The following GABRB2 variants were observed in gnomAD, a reference collection of about 807,000 sequenced individuals.
The protein encoded by GABRB2 is gamma-aminobutyric acid receptor subunit beta-2.
A neutral mutation model predicts 54.7 loss-of-function variants in GABRB2; 16 were observed. That is an observed-to-expected ratio of 0.29 (90% confidence interval 0.20 to 0.44). GABRB2 has a LOEUF of 0.44. Among genes scored for constraint, GABRB2 ranks in the 20% least tolerant of loss-of-function variants. GABRB2 has a pLI of 1.00. For synonymous variants in GABRB2, 244 were observed against 233.8 expected (o/e 1.04, Z -0.40); for missense variants, 355 against 644.0 (o/e 0.55, Z 4.86).
intron 5 of GABRB2, among the ~76,000 whole-genome samples, chr5:161,396,441 AAG>A (rs1212575194): frequency 1.3e-5 from 2 of 152,232 alleles, no homozygotes; most frequent in East Asian, 3.8e-4. Flanking sequence ...GGTTTCCCAG[AAG>A]AGAGAGGTTG....
intron 5 of GABRB2, among the ~76,000 whole-genome samples, chr5:161,377,574 T>C (rs1755344518): frequency 6.6e-6 from 1 of 152,144 alleles, no homozygotes; most frequent in Admixed American, 6.6e-5. Flanking sequence ...AAAACAAAGT[T>C]TCTAATGCCT....
In GABRB2 at chr5:161,459,852, T is replaced by A. The variant is rs1465604156; in HGVS notation, c.238-8A>T. 6.4e-7 allele frequency: 1 copy of A among 1,572,624 alleles called. No individual in the cohort carries two copies. The highest frequency in any genetic ancestry group is 1.7e-5 in the Admixed American group (1 of 58,348). On this transcript the variant is annotated splice_polypyrimidine_tract_variant and splice_region_variant and intron_variant, in intron 3 of 9. Coordinates refer to ENST00000393959, the MANE Select transcript of GABRB2 (RefSeq NM_001371727.1). The stretch of plus-strand genomic sequence containing the variant: ...CATTGTCAAGGTATAATCCTGTAAA[T>A]GTGAGAAAAAAAAACATGGTTAGTT...
At chr5:161,411,476 T>A (rs1756515023) in intron 4 of GABRB2, among the ~76,000 whole-genome samples, 1 of 152,192 alleles carries the variant, frequency 6.6e-6, no homozygotes, top group Non-Finnish European at 1.5e-5. Flanking sequence ...ATGTAATCTA[T>A]CAATCTTAGT....
At chr5:161,411,323 C>T (rs1387961410) in intron 4 of GABRB2, among the ~76,000 whole-genome samples, 1 of 152,198 alleles carries the variant, frequency 6.6e-6, no homozygotes, top group Non-Finnish European at 1.5e-5. Context: ...AGGCACTTCT[C>T]ATGCCTCCAG....
intron 8 of GABRB2, among the ~76,000 whole-genome samples, chr5:161,327,877 C>G (rs1758416137): frequency 6.6e-6 from 1 of 151,820 alleles, no homozygotes; most frequent in South Asian, 2.1e-4. Flanking sequence ...TATAGAATTA[C>G]AGTTGAAAAG....
intron 4 of GABRB2, among the ~76,000 whole-genome samples, chr5:161,455,529 ATTTT>A (rs34494220): frequency 7.3e-6 from 1 of 137,904 alleles, no homozygotes. Flanking sequence ...TTGTTCCCCA[ATTTT>A]TTTTTTTTTT....
chr5:161,333,980 C>G (rs989888818), intron 7 of GABRB2, among the ~76,000 whole-genome samples: 6 of 152,180 alleles, frequency 3.9e-5, no homozygotes, highest in African/African-American at 1.4e-4. Flanking sequence ...GAAGACTGCT[C>G]TATCTCCAGT....
chr5:161,409,656 C>T (rs895632575), intron 5 of GABRB2, among the ~76,000 whole-genome samples: 1 of 152,108 alleles, frequency 6.6e-6, no homozygotes, highest in Non-Finnish European at 1.5e-5. Context: ...CACAGAAATT[C>T]ATGAGTGGTA....
At chr5:161,373,978 G>A (rs1349612319) in intron 5 of GABRB2, among the ~76,000 whole-genome samples, 6 of 151,668 alleles carry the variant, frequency 4.0e-5, no homozygotes, top group Non-Finnish European at 7.4e-5. Context: ...AGTTTTGCTC[G>A]TGTTGCCCAG....
At chr5:161,349,834 C>G (rs1002323755) in intron 5 of GABRB2, among the ~76,000 whole-genome samples, 1 of 152,170 alleles carries the variant, frequency 6.6e-6, no homozygotes, top group Middle Eastern at 3.4e-3. Flanking sequence ...GGCTTTCAAA[C>G]GAGACCATAG....
At chr5:161,463,234 A>G (rs1170028601) in intron 3 of GABRB2, among the ~76,000 whole-genome samples, 2 of 151,714 alleles carry the variant, frequency 1.3e-5, no homozygotes, top group Non-Finnish European at 2.9e-5. Flanking sequence ...AAAGTGTGAG[A>G]AATACTACTA....
At chr5:161,334,932 A>T in intron 6 of GABRB2, 28 bp from the exon 7 acceptor site, 2 of 1,605,960 alleles carry the variant, frequency 1.2e-6, no homozygotes, top group Non-Finnish European at 1.7e-6. Flanking sequence ...GAACATCATC[A>T]TTATCAATCA....
chr5:161,495,717 T>A (rs971539460), intron 3 of GABRB2, among the ~76,000 whole-genome samples: 4 of 152,056 alleles, frequency 2.6e-5, no homozygotes, highest in African/African-American at 9.7e-5. Context: ...GAACCAGAGA[T>A]AAAGTCAGGG....
At chr5:161,512,999 G>A (rs1482456784) in intron 3 of GABRB2, among the ~76,000 whole-genome samples, 1 of 150,672 alleles carries the variant, frequency 6.6e-6, no homozygotes, top group Non-Finnish European at 1.5e-5. Flanking sequence ...AAACCACAGT[G>A]AGATACCATC....
At chr5:161,386,196 G>A (rs1367138345) in intron 5 of GABRB2, among the ~76,000 whole-genome samples, 1 of 151,924 alleles carries the variant, frequency 6.6e-6, no homozygotes, top group African/African-American at 2.4e-5. Flanking sequence ...AGCAATATCT[G>A]CCAACATTTT....
chr5:161,309,705 A>T (rs1757803585), intron 9 of GABRB2, among the ~76,000 whole-genome samples: 1 of 149,738 alleles, frequency 6.7e-6, no homozygotes, highest in Non-Finnish European at 1.5e-5. Context: ...ATCTCGGCTC[A>T]CTGCAAGCTC....
At chr5:161,449,775 T>TAC (rs1263645972) in intron 4 of GABRB2, among the ~76,000 whole-genome samples, 10 of 151,338 alleles carry the variant, frequency 6.6e-5, no homozygotes, top group Non-Finnish European at 8.8e-5. Flanking sequence ...TAAATGAAGA[T>TAC]ACACACACAC....
At chr5:161,372,216 A>G (rs2113469640) in intron 5 of GABRB2, among the ~76,000 whole-genome samples, 1 of 152,274 alleles carries the variant, frequency 6.6e-6, no homozygotes, top group Non-Finnish European at 1.5e-5. Context: ...ATTTTATATA[A>G]TTGAACTTGC....
intron 5 of GABRB2, among the ~76,000 whole-genome samples, chr5:161,359,681 C>G (rs1343223032): frequency 2.6e-5 from 4 of 152,082 alleles, no homozygotes; most frequent in Non-Finnish European, 4.4e-5. Flanking sequence ...TATTTTTATC[C>G]TCTCTCTGAT....
Sources: gnomAD v4.1 joint callset for allele counts (sites outside exome capture counted in the v4.1 genomes callset) on GRCh38, gnomAD v4.1.1 for gene constraint, MANE v1.5 for transcripts, NCBI Gene and HGNC (gene_info 2026-07-23, HGNC 2026-07-21) for gene names.